Variants in PCDH15 observed in about 807,000 individuals in gnomAD.
PCDH15 encodes protocadherin-15.
Under a neutral mutation model 178.5 loss-of-function variants are expected in PCDH15, and 129 were observed. The ratio of observed to expected loss-of-function variants is 0.72; its 90% confidence interval spans 0.63 to 0.84. PCDH15 has a LOEUF of 0.84. Among genes scored for constraint, PCDH15 ranks in the 40% least tolerant of loss-of-function variants. PCDH15 has a pLI of 0.00. For missense variants in PCDH15, 2,230 were observed against 2,099.9 expected (o/e 1.06, Z -1.21); for synonymous variants, 800 against 732.0 (o/e 1.09, Z -1.50).
chr10:54,332,876 TA>T (rs1286329309), intron 6 of PCDH15, among the ~76,000 whole-genome samples: 3 of 152,140 alleles, frequency 2.0e-5, no homozygotes, highest in Non-Finnish European at 4.4e-5. Flanking sequence ...CTTATCATCT[TA>T]AATCTATCCT....
intron 2 of PCDH15, among the ~76,000 whole-genome samples, chr10:55,415,183 C>T (rs964822357): frequency 6.6e-6 from 1 of 151,364 alleles, no homozygotes; most frequent in Non-Finnish European, 1.5e-5. Context: ...GTAGTTTTTT[C>T]ATTCTGTTAA....
chr10:55,605,216 T>G (rs373944965), intron 2 of PCDH15, among the ~76,000 whole-genome samples: 1 of 151,924 alleles, frequency 6.6e-6, no homozygotes, highest in Non-Finnish European at 1.5e-5. Flanking sequence ...AATCTCTGAA[T>G]AGACCAATAA....
At chr10:54,923,875 C>T (rs1160318696) in intron 2 of PCDH15, among the ~76,000 whole-genome samples, 1 of 137,816 alleles carries the variant, frequency 7.3e-6, no homozygotes, top group African/African-American at 2.5e-5. Flanking sequence ...CAAACGATTC[C>T]AACCTCTCAC....
chr10:55,516,130 T>C (rs2132157685), intron 2 of PCDH15, among the ~76,000 whole-genome samples: 1 of 152,236 alleles, frequency 6.6e-6, no homozygotes, highest in African/African-American at 2.4e-5. Context: ...TCTTGAATTG[T>C]AGCTGCCATA....
At chr10:54,475,098 T>A (rs758714324) in intron 3 of PCDH15, among the ~76,000 whole-genome samples, 12 of 151,912 alleles carry the variant, frequency 7.9e-5, no homozygotes, top group Non-Finnish European at 1.6e-4. Context: ...AACAAAATGT[T>A]TTATCATACA....
chr10:54,335,962 C>G (rs1941021485), intron 6 of PCDH15, among the ~76,000 whole-genome samples: 1 of 152,022 alleles, frequency 6.6e-6, no homozygotes, highest in African/African-American at 2.4e-5. Flanking sequence ...GATAATGATA[C>G]GGACAATGAA....
In PCDH15 at chr10:53,806,946, A is replaced by T. The variant is rs1229182923; in HGVS notation, c.4856T>A (p.Leu1619His). 6.2e-7 allele frequency: 1 copy of T among 1,613,738 alleles called. No homozygotes were observed. Among genetic ancestry groups the T allele is most frequent in the Non-Finnish European group, 8.5e-7 (1 of 1,179,832 alleles). Residue 1619 changes from leucine to histidine, a missense_variant, in exon 38 of 38, where the codon CTC becomes CAC. Physicochemically the swap from Leu to His is moderately conservative, Grantham distance 99. Coordinates refer to ENST00000644397, the MANE Select transcript of PCDH15 (RefSeq NM_001384140.1). ...GGAAGCAACTTTTAAGTTGTCCGTG[A>T]GGCAGGCACGGCGGGTTCTCACCAC... ...GSVVRTRRAC[L>H]TDNLKVASPV...
chr10:54,508,858 A>G (rs1392380166), intron 3 of PCDH15, among the ~76,000 whole-genome samples: 1 of 152,058 alleles, frequency 6.6e-6, no homozygotes, highest in Non-Finnish European at 1.5e-5. Flanking sequence ...CAGATTTCAG[A>G]TTTTTTTGAA....
chr10:53,895,310 C>A (rs965315590), intron 26 of PCDH15, among the ~76,000 whole-genome samples: 1 of 152,158 alleles, frequency 6.6e-6, no homozygotes, highest in Admixed American at 6.6e-5. Flanking sequence ...TCTGCTGAAA[C>A]CTCTCATCAC....
intron 8 of PCDH15, among the ~76,000 whole-genome samples, chr10:54,280,443 A>C (rs545769657): frequency 6.6e-6 from 1 of 151,862 alleles, no homozygotes; most frequent in South Asian, 2.1e-4. Context: ...AAGCCCTGCT[A>C]TCTCATGATC....
intron 9 of PCDH15, among the ~76,000 whole-genome samples, chr10:54,231,365 G>A (rs976216551): frequency 1.3e-5 from 2 of 152,356 alleles, no homozygotes; most frequent in Middle Eastern, 6.8e-3. Context: ...AATGGTTGAG[G>A]CTTGGAAGCC....
intron 2 of PCDH15, among the ~76,000 whole-genome samples, chr10:54,570,888 G>C (rs568768356): frequency 6.9e-6 from 1 of 144,248 alleles, no homozygotes; most frequent in South Asian, 2.2e-4. Context: ...GGCTGGTCTT[G>C]AGCTCCTGGC....
At chr10:54,343,017 G>A (rs956047454) in intron 6 of PCDH15, among the ~76,000 whole-genome samples, 4 of 152,142 alleles carry the variant, frequency 2.6e-5, no homozygotes, top group African/African-American at 9.7e-5. Context: ...AAAGGGAATT[G>A]ACTTGTCTCA....
In PCDH15 at chr10:53,840,415, A is replaced by G. The variant is rs765713345; in HGVS notation, c.3888T>C (p.Asp1296=). The G allele has an allele frequency of 3.1e-6, 5 of 1,614,108 alleles. No homozygotes were observed. In the Admixed American group the frequency reaches 8.3e-5, roughly 27 times the overall value. ...VESIGARRHG[D]AFSLEDYTKC... ...TGGTGTAATCTTCTAGGGAAAAGGC[A>G]TCTCCATGCCGGCGAGCTCCAATGG... The change falls in exon 29 of 38, where the codon GAT becomes GAC. Residue 1296 remains aspartate (D), a synonymous_variant. Coordinates refer to ENST00000644397, the MANE Select transcript of PCDH15 (RefSeq NM_001384140.1).
At chr10:54,478,360 A>C (rs2078436313) in intron 3 of PCDH15, among the ~76,000 whole-genome samples, 1 of 152,174 alleles carries the variant, frequency 6.6e-6, no homozygotes, top group Non-Finnish European at 1.5e-5. Flanking sequence ...CTTTGAAACC[A>C]GTTACCTAGC....
intron 1 of PCDH15, among the ~76,000 whole-genome samples, chr10:55,218,841 C>T (rs1053708199): frequency 2.6e-5 from 4 of 151,840 alleles, no homozygotes; most frequent in South Asian, 2.1e-4. Flanking sequence ...GCATCTAAAT[C>T]CTCATCTACA....
chr10:54,399,698 C>A (rs1388647845), intron 3 of PCDH15, among the ~76,000 whole-genome samples: 2 of 152,066 alleles, frequency 1.3e-5, no homozygotes, highest in African/African-American at 4.8e-5. Flanking sequence ...TGATCTCAAG[C>A]CCAGCCCAAG....
chr10:55,262,560 C>T (rs919832885), intron 1 of PCDH15, among the ~76,000 whole-genome samples: 5 of 152,114 alleles, frequency 3.3e-5, no homozygotes, highest in African/African-American at 9.7e-5. Context: ...TAACAGGCAC[C>T]AGCAGATGCC....
chr10:55,507,729 A>C (rs954752377), intron 2 of PCDH15, among the ~76,000 whole-genome samples: 4 of 149,880 alleles, frequency 2.7e-5, no homozygotes, highest in African/African-American at 9.8e-5. Flanking sequence ...ATAATTTGAC[A>C]TCTTAATAAC....
Sources: allele counts gnomAD v4.1 joint callset (sites outside exome capture counted in the v4.1 genomes callset), GRCh38; gene constraint gnomAD v4.1.1; transcripts MANE v1.5; gene names NCBI Gene and HGNC (gene_info 2026-07-23, HGNC 2026-07-21).